TULP4: variants seen among roughly 807,000 people sequenced by gnomAD.
TULP4 encodes the protein TUB like protein 4, also known as tubby-related protein 4.
In TULP4, 16 loss-of-function variants were observed where a neutral mutation model predicts 129.0. The observed-to-expected ratio is 0.12, with a 90% confidence interval of 0.08 to 0.19. The LOEUF is 0.19. TULP4 is among the 10% of genes least tolerant of loss of function. The pLI, the probability that TULP4 is intolerant of heterozygous loss-of-function variation, is 1.00. For missense variants in TULP4, 1,842 were observed against 2,059.1 expected (o/e 0.89, Z 2.04); for synonymous variants, 998 against 854.0 (o/e 1.17, Z -2.94).
chr6:158,252,897 G>A (rs1408044399), intron 1 of TULP4, among the ~76,000 whole-genome samples: 1 of 152,118 alleles, frequency 6.6e-6, no homozygotes. Flanking sequence ...ATCCGCGTTT[G>A]TGTAGAACTT....
intron 6 of TULP4, among the ~76,000 whole-genome samples, chr6:158,462,171 G>T (rs1779444159): frequency 6.6e-6 from 1 of 152,180 alleles, no homozygotes; most frequent in Non-Finnish European, 1.5e-5. Context: ...CCAAAGAAAT[G>T]AGTAAGTCTC....
chr6:158,416,648 G>T (rs1778216512), intron 2 of TULP4, among the ~76,000 whole-genome samples: 1 of 152,154 alleles, frequency 6.6e-6, no homozygotes, highest in South Asian at 2.1e-4. Context: ...ATTGAGGAAA[G>T]AACCATTTTT....
intron 1 of TULP4, among the ~76,000 whole-genome samples, chr6:158,369,924 A>C (rs191476587): frequency 1.1e-3 from 167 of 152,304 alleles, no homozygotes; most frequent in African/African-American, 3.9e-3. Flanking sequence ...GCAGTGGCTC[A>C]AGCCTATAAT....
At chr6:158,377,489 G>C (rs1004385152) in intron 1 of TULP4, among the ~76,000 whole-genome samples, 1 of 152,234 alleles carries the variant, frequency 6.6e-6, no homozygotes, top group African/African-American at 2.4e-5. Context: ...GTAATGCAAT[G>C]CATTAATTGT....
At position 158,287,176 on chromosome 6, in the gene TULP4, C is replaced by A. The variant is rs114278209; in HGVS notation, n.116+4798C>A. 8.8e-3 allele frequency among the ~76,000 whole-genome samples: 1,336 copies of A among 152,210 alleles called. 15 individuals carry two copies. Among genetic ancestry groups the A allele is most frequent in the African/African-American group, 0.03 (1,228 of 41,512 alleles). On this transcript the variant is annotated intron_variant and non_coding_transcript_variant, in intron 1 of 1. Coordinates refer to the TULP4 transcript ENST00000432358. ...AACCTGGAGTATATGGGTTTGAGAT[C>A]CATACAGATCTGGGTTCAAATTACA...
intron 1 of TULP4, among the ~76,000 whole-genome samples, chr6:158,375,478 G>A (rs909282605): frequency 1.3e-5 from 2 of 152,168 alleles, no homozygotes; most frequent in African/African-American, 4.8e-5. Flanking sequence ...AACCAGACAG[G>A]TGAGGAGGAT....
intron 1 of TULP4, among the ~76,000 whole-genome samples, chr6:158,367,439 C>A (rs1299821508): frequency 6.6e-6 from 1 of 152,070 alleles, no homozygotes; most frequent in Non-Finnish European, 1.5e-5. Flanking sequence ...TAAAGAACTG[C>A]CAAAACTGCA....
intron 6 of TULP4, among the ~76,000 whole-genome samples, chr6:158,463,255 T>C (rs2115189814): frequency 6.6e-6 from 1 of 152,368 alleles, no homozygotes; most frequent in South Asian, 2.1e-4. Flanking sequence ...AAATTGTTGT[T>C]AAGCAGTAAT....
intron 1 of TULP4, among the ~76,000 whole-genome samples, chr6:158,236,172 A>G (rs1432546287): frequency 6.6e-6 from 1 of 152,264 alleles, no homozygotes; most frequent in Non-Finnish European, 1.5e-5. Flanking sequence ...AAATGTTAAT[A>G]GAATTCCAGT....
At chr6:158,270,428 C>A (rs757313388) in intron 1 of TULP4, among the ~76,000 whole-genome samples, 12 of 152,100 alleles carry the variant, frequency 7.9e-5, no homozygotes, top group Non-Finnish European at 1.3e-4. Flanking sequence ...GTTTATTTTG[C>A]CCATCTTCTC....
intron 1 of TULP4, among the ~76,000 whole-genome samples, chr6:158,341,510 A>G (rs573701550): frequency 5.9e-5 from 9 of 152,306 alleles, no homozygotes; most frequent in African/African-American, 2.2e-4. Flanking sequence ...AAGATTCTCC[A>G]TACTAAACGT....
At chr6:158,268,138 C>T (rs9457263) in intron 1 of TULP4, among the ~76,000 whole-genome samples, 26,229 of 149,492 alleles carry the variant, frequency 0.18, 2,687 homozygotes, top group Middle Eastern at 0.25. Context: ...TGGGTTCAAG[C>T]GATTCTTCTG....
At chr6:158,248,032 G>T (rs76202793) in intron 1 of TULP4, among the ~76,000 whole-genome samples, 1 of 152,150 alleles carries the variant, frequency 6.6e-6, no homozygotes, top group African/African-American at 2.4e-5. Flanking sequence ...TCTGCTGTGC[G>T]CACAAAACCC....
intron 3 of TULP4, among the ~76,000 whole-genome samples, chr6:158,440,721 C>G (rs1778874305): frequency 6.6e-6 from 1 of 152,218 alleles, no homozygotes; most frequent in South Asian, 2.1e-4. Flanking sequence ...TCCCACCCTT[C>G]AGGGCTATCT....
chr6:158,243,807 A>G (rs982561060), intron 1 of TULP4, among the ~76,000 whole-genome samples: 3 of 150,166 alleles, frequency 2.0e-5, no homozygotes, highest in African/African-American at 4.9e-5. Context: ...GAGGGATTAC[A>G]ATATGGTTAC....
intron 5 of TULP4, among the ~76,000 whole-genome samples, chr6:158,458,934 G>A (rs188094220): frequency 1.5e-3 from 231 of 152,266 alleles, no homozygotes; most frequent in African/African-American, 5.2e-3. Flanking sequence ...CCCTGGTCGC[G>A]GCTGTGCCTG....
At position 158,493,739 on chromosome 6, in the gene TULP4, G is replaced by A; in HGVS notation, c.1776+22G>A. ...TCAGGTAGGAGCCCCCAGTTACCCT[G>A]CCTTGCTCCCCTCCTCCTGGGGGCT... On this transcript the variant is annotated intron_variant, in intron 10 of 13. Transcript: ENST00000367097. The surrounding 1 kb of genome is among the most constrained non-coding windows in gnomAD (Gnocchi z 4.4). The A allele has an allele frequency of 6.6e-7, 1 of 1,521,764 alleles. No individual in the cohort carries two copies. Among genetic ancestry groups the A allele is most frequent in the Admixed American group, 2.1e-5 (1 of 47,266 alleles). 94.3% of individuals were successfully genotyped at this position (1,521,764 alleles called of 1,614,324 possible).
intron 9 of TULP4, 23 bp downstream of exon 9, chr6:158,489,755 T>G: frequency 1.2e-6 from 2 of 1,613,884 alleles, no homozygotes; most frequent in Non-Finnish European, 1.7e-6. Flanking sequence ...TTTGGGGAGA[T>G]CGTCCTTTCT....
Position 158,264,068 on chromosome 6 carries a change from C to CA in TULP4, n.68+31772dup, listed in dbSNP as rs201381731. 6.4e-3 allele frequency among the ~76,000 whole-genome samples: 965 copies of CA among 151,788 alleles called. 12 individuals are homozygous for CA. Among genetic ancestry groups the CA allele is most frequent in the Admixed American group, 0.021 (319 of 15,240 alleles). ...ATAGAGTGAGACTCTGTCTCAAAAA[C>CA]AAAAAAACAAAACAAAAAGCCAGAA... On this transcript the variant is annotated intron_variant and non_coding_transcript_variant, in intron 1 of 1. Coordinates refer to the TULP4 transcript ENST00000620026.
Sources: allele counts gnomAD v4.1 joint callset (sites outside exome capture counted in the v4.1 genomes callset), GRCh38; gene constraint gnomAD v4.1.1; non-coding constraint Gnocchi (gnomAD v3.1); transcripts MANE v1.5; gene names NCBI Gene and HGNC (gene_info 2026-07-23, HGNC 2026-07-21).